The following VEGFC variants were observed in gnomAD, a reference collection of about 807,000 sequenced individuals.
The protein encoded by VEGFC is FLT4 ligand DHM.
VEGFC carries 12 observed loss-of-function variants against 46.1 expected under a neutral mutation model. The observed-to-expected ratio is 0.26, with a 90% CI of 0.17 to 0.42. VEGFC has a LOEUF of 0.42. Among genes scored for constraint, VEGFC ranks in the 10% least tolerant of loss-of-function variants. The probability of loss-of-function intolerance (pLI) is 1.00; values close to 1 mark genes in which losing one functional copy is unlikely to be tolerated. For synonymous variants in VEGFC, 232 were observed against 195.5 expected (o/e 1.19, Z -1.56); for missense variants, 488 against 529.4 (o/e 0.92, Z 0.77).
chr4:176,693,060 A>C (rs900532064), intron 4 of VEGFC, among the ~76,000 whole-genome samples: 3 of 152,204 alleles, frequency 2.0e-5, no homozygotes, highest in South Asian at 4.2e-4. Flanking sequence ...AAGTCTAAAA[A>C]GCAGAGTGCC....
chr4:176,708,420 T>A (rs1579098605), intron 4 of VEGFC, among the ~76,000 whole-genome samples: 1 of 152,236 alleles, frequency 6.6e-6, no homozygotes, highest in East Asian at 1.9e-4. Flanking sequence ...CACTTCCTTT[T>A]TATGTATAAA....
chr4:176,791,645 A>G (rs1187352202), intron 1 of VEGFC, among the ~76,000 whole-genome samples: 1 of 152,166 alleles, frequency 6.6e-6, no homozygotes, highest in African/African-American at 2.4e-5. Context: ...GAACTCTGAA[A>G]GCTCTGGAGC....
At chr4:176,766,703 G>A (rs149490560) in intron 1 of VEGFC, among the ~76,000 whole-genome samples, 132 of 152,080 alleles carry the variant, frequency 8.7e-4, no homozygotes, top group African/African-American at 3.1e-3. Context: ...GAAAGAAACC[G>A]TATAGAGACA....
chr4:176,768,128 T>G (rs1735661319), intron 1 of VEGFC, among the ~76,000 whole-genome samples: 1 of 152,128 alleles, frequency 6.6e-6, no homozygotes, highest in Non-Finnish European at 1.5e-5. Context: ...AACGGAGAGA[T>G]AAAAATTTCA....
chr4:176,716,314 C>T (rs79016439), intron 3 of VEGFC, among the ~76,000 whole-genome samples: 6 of 152,056 alleles, frequency 3.9e-5, no homozygotes, highest in South Asian at 2.1e-4. Context: ...TGGTGACTCA[C>T]GCCTGTAACC....
intron 1 of VEGFC, among the ~76,000 whole-genome samples, chr4:176,740,078 A>C (rs1217248498): frequency 2.5e-5 from 3 of 118,128 alleles, no homozygotes; most frequent in South Asian, 5.0e-4. Context: ...ACTATATATT[A>C]TATATTCTAT....
At chr4:176,773,894 C>T (rs1236243656) in intron 1 of VEGFC, among the ~76,000 whole-genome samples, 1 of 151,650 alleles carries the variant, frequency 6.6e-6, no homozygotes, top group African/African-American at 2.4e-5. Context: ...GGGGTCTCAC[C>T]GTGTTACCCA....
intron 1 of VEGFC, among the ~76,000 whole-genome samples, chr4:176,763,610 T>G (rs1735567895): frequency 6.6e-6 from 1 of 152,214 alleles, no homozygotes; most frequent in South Asian, 2.1e-4. Context: ...ATATGTTATA[T>G]TCTTTCACGT....
At chr4:176,743,565 CAATAT>C (rs1356781618) in intron 1 of VEGFC, among the ~76,000 whole-genome samples, 3 of 149,690 alleles carry the variant, frequency 2.0e-5, no homozygotes, top group Non-Finnish European at 3.0e-5. Context: ...CTGTATAAAA[CAATAT>C]ATTATACCGA....
intron 1 of VEGFC, among the ~76,000 whole-genome samples, chr4:176,745,664 G>A (rs1414630270): frequency 6.6e-6 from 1 of 152,078 alleles, no homozygotes; most frequent in Non-Finnish European, 1.5e-5. Flanking sequence ...GTCCTGAGAA[G>A]ATCACAGATG....
At chr4:176,742,094 C>CG (rs1443857063) in intron 1 of VEGFC, among the ~76,000 whole-genome samples, 1 of 151,902 alleles carries the variant, frequency 6.6e-6, no homozygotes, top group African/African-American at 2.4e-5. Context: ...CCCTCTTTCC[C>CG]CCCATTTTGG....
At chr4:176,751,952 T>C (rs555766257) in intron 1 of VEGFC, among the ~76,000 whole-genome samples, 1 of 151,914 alleles carries the variant, frequency 6.6e-6, no homozygotes, top group East Asian at 1.9e-4. Context: ...CCTCTGTATA[T>C]TTGGAATATG....
chr4:176,734,393 T>A (rs951704526), intron 1 of VEGFC, among the ~76,000 whole-genome samples: 8 of 151,868 alleles, frequency 5.3e-5, no homozygotes, highest in African/African-American at 1.9e-4. Context: ...GTTACTGTAA[T>A]AAATAAATTA....
At chr4:176,753,997 T>C (rs1712055006) in intron 1 of VEGFC, among the ~76,000 whole-genome samples, 1 of 152,042 alleles carries the variant, frequency 6.6e-6, no homozygotes, top group Non-Finnish European at 1.5e-5. Flanking sequence ...AATGAACTCA[T>C]GAGGGAAGTC....
At chr4:176,696,081 G>A (rs1187195281) in intron 4 of VEGFC, among the ~76,000 whole-genome samples, 1 of 148,810 alleles carries the variant, frequency 6.7e-6, no homozygotes, top group African/African-American at 2.5e-5. Context: ...CACAAGACAG[G>A]GATGCCCTCT....
At chr4:176,757,265 ACTTGT>A (rs1193677511) in intron 1 of VEGFC, among the ~76,000 whole-genome samples, 1 of 152,086 alleles carries the variant, frequency 6.6e-6, no homozygotes, top group African/African-American at 2.4e-5. Flanking sequence ...ACACATGTGT[ACTTGT>A]CTTCAATTCC....
At chr4:176,733,335 A>T (rs1469646380) in intron 1 of VEGFC, among the ~76,000 whole-genome samples, 1 of 152,026 alleles carries the variant, frequency 6.6e-6, no homozygotes, top group Non-Finnish European at 1.5e-5. Flanking sequence ...TTTACTCATA[A>T]TAATGAAAAC....
intron 4 of VEGFC, among the ~76,000 whole-genome samples, chr4:176,700,733 A>G (rs1734415300): frequency 6.6e-6 from 1 of 152,194 alleles, no homozygotes. Flanking sequence ...ATCCATGGTT[A>G]TTGGATTTAT....
chr4:176,766,935 TA>T (rs1441988291), intron 1 of VEGFC, among the ~76,000 whole-genome samples: 1 of 138,102 alleles, frequency 7.2e-6, no homozygotes, highest in Non-Finnish European at 1.6e-5. Context: ...AAACAAGACA[TA>T]AAAAATATTA....
Sources: gnomAD v4.1 joint callset for allele counts (sites outside exome capture counted in the v4.1 genomes callset) on GRCh38, gnomAD v4.1.1 for gene constraint, MANE v1.5 for transcripts, NCBI Gene and HGNC (gene_info 2026-07-23, HGNC 2026-07-21) for gene names.